The following NAA11 variants were observed in gnomAD, a reference collection of about 807,000 sequenced individuals.
The protein encoded by NAA11 is N-alpha-acetyltransferase 11, NatA catalytic subunit, also known as N-alpha-acetyltransferase 11.
NAA11 carries 15 observed loss-of-function variants against 16.1 expected under a neutral mutation model. The observed-to-expected ratio is 0.93, with a 90% CI of 0.62 to 1.44. The LOEUF (loss-of-function observed/expected upper bound fraction) is 1.44. Among genes scored for constraint, NAA11 ranks in the 40% most tolerant of loss-of-function variants. The probability of loss-of-function intolerance (pLI) is 0.00; values close to 1 mark genes in which losing one functional copy is unlikely to be tolerated. For missense variants in NAA11, 298 were observed against 291.3 expected (o/e 1.02, Z -0.17); for synonymous variants, 122 against 112.4 (o/e 1.09, Z -0.54).
the NAA11 span, among the ~76,000 whole-genome samples, chr4:79,183,247 GT>G: frequency 1.8e-3 from 272 of 152,162 alleles, 1 homozygote; most frequent in African/African-American, 6.3e-3. Flanking sequence ...CTTCTTACAC[GT>G]TGTGTCACCT....
At chr4:79,266,091 C>T (rs1225464997) in intron 2 of NAA11, among the ~76,000 whole-genome samples, 2 of 152,148 alleles carry the variant, frequency 1.3e-5, no homozygotes, top group East Asian at 3.9e-4. Context: ...TCTCTCCCAC[C>T]CACCTGCCCT....
the NAA11 span, among the ~76,000 whole-genome samples, chr4:79,165,468 G>A: frequency 6.6e-6 from 1 of 152,200 alleles, no homozygotes; most frequent in Non-Finnish European, 1.5e-5. Flanking sequence ...CAGGAGTAGA[G>A]CTCTTCCTGT....
intron 2 of NAA11, among the ~76,000 whole-genome samples, chr4:79,261,801 C>T (rs1025978817): frequency 3.3e-5 from 5 of 152,148 alleles, no homozygotes; most frequent in Non-Finnish European, 5.9e-5. Flanking sequence ...CTACAAAATG[C>T]TCTCTGAAAA....
chr4:79,185,345 T>C, the NAA11 span, among the ~76,000 whole-genome samples: 5 of 152,232 alleles, frequency 3.3e-5, no homozygotes, highest in Middle Eastern at 3.4e-3. Context: ...AGCACCTTTT[T>C]CCCCCATAAT....
intron 1 of NAA11, among the ~76,000 whole-genome samples, chr4:79,296,819 T>G (rs1373723904): frequency 6.6e-6 from 1 of 152,188 alleles, no homozygotes; most frequent in Non-Finnish European, 1.5e-5. Context: ...CATAGACCAC[T>G]GAATGTTTTT....
Position 79,325,216 on chromosome 4 carries a change from C to A in NAA11, c.662G>T (p.Ser221Ile). The A allele has an allele frequency of 1.2e-6, 2 of 1,612,236 alleles. No individual in the cohort carries two copies. Among genetic ancestry groups the A allele is most frequent in the South Asian group, 1.1e-5 (1 of 90,662 alleles). ...ESVESTNVQD[S>I]SESSDSTS ...GGAGGTGGAATCCGAGCTTTCTGAG[C>A]TGTCCTGGACGTTGGTGCTCTCCAC... The change falls in exon 1 of 2, where the codon AGC (serine) becomes ATC (isoleucine). Residue 221 changes from serine (S) to isoleucine (I), a missense_variant. Physicochemically the swap from Ser to Ile is moderately radical, Grantham distance 142. Transcript: ENST00000286794.
chr4:79,260,100 C>T (rs530945039), intron 2 of NAA11, among the ~76,000 whole-genome samples: 1 of 152,320 alleles, frequency 6.6e-6, no homozygotes, highest in East Asian at 1.9e-4. Context: ...TGGCTCACTG[C>T]AGTTTCCAGT....
At chr4:79,165,337 T>G in the NAA11 span, among the ~76,000 whole-genome samples, 1 of 152,208 alleles carries the variant, frequency 6.6e-6, no homozygotes, top group African/African-American at 2.4e-5. Flanking sequence ...CACCAGAATC[T>G]GAGCCCCTCC....
rs568886759 is a variant in NAA11, at chr4:79,238,431, A to G, written c.*123-12161T>C. 2.0e-5 allele frequency among the ~76,000 whole-genome samples: 3 copies of G among 152,342 alleles called. No individual in the cohort carries two copies. The South Asian group carries it at 6.2e-4, about 32-fold the overall frequency. On this transcript the variant is annotated intron_variant and NMD_transcript_variant, in intron 2 of 2. Transcript: ENST00000511542. ...AAACTGTAGAATAAGATTTTGAAGT[A>G]CAACTTATGGAAATCTAATATAACA...
chr4:79,187,930 C>T, the NAA11 span, among the ~76,000 whole-genome samples: 7 of 127,204 alleles, frequency 5.5e-5, no homozygotes, highest in Non-Finnish European at 1.1e-4. Flanking sequence ...ACCCGGGAGG[C>T]GGAGCTTGCA....
At chr4:79,325,041 C>G in intron 1 of NAA11, 135 bp downstream of exon 1, 1 of 724,308 alleles carries the variant, frequency 1.4e-6, no homozygotes, top group Admixed American at 3.0e-5. Context: ...TAACTTCTCC[C>G]TAAGGTCACC....
chr4:79,187,028 C>G, the NAA11 span, among the ~76,000 whole-genome samples: 4 of 152,122 alleles, frequency 2.6e-5, no homozygotes, highest in African/African-American at 9.7e-5. Flanking sequence ...AGTGCATATT[C>G]TTTGTCTGGC....
chr4:79,185,466 T>C, the NAA11 span, among the ~76,000 whole-genome samples: 1 of 152,234 alleles, frequency 6.6e-6, no homozygotes, highest in African/African-American at 2.4e-5. Flanking sequence ...TTCAAAGCTC[T>C]GGTTGAAAGG....
chr4:79,194,585 C>G, the NAA11 span, among the ~76,000 whole-genome samples: 3 of 151,914 alleles, frequency 2.0e-5, no homozygotes, highest in Admixed American at 6.6e-5. Context: ...TGGAAAGGAA[C>G]TAAAAGGCCT....
chr4:79,310,064 C>T (rs1723723591), intron 1 of NAA11, among the ~76,000 whole-genome samples: 1 of 152,118 alleles, frequency 6.6e-6, no homozygotes. Context: ...TTTTTATTGG[C>T]TCAATTATTC....
chr4:79,241,859 A>G (rs1013055099), intron 2 of NAA11, among the ~76,000 whole-genome samples: 4 of 152,230 alleles, frequency 2.6e-5, no homozygotes, highest in Non-Finnish European at 4.4e-5. Context: ...TGAGTAGCCA[A>G]AGAGGTAGTC....
the NAA11 span, among the ~76,000 whole-genome samples, chr4:79,191,464 G>T: frequency 6.6e-6 from 1 of 151,958 alleles, no homozygotes; most frequent in Non-Finnish European, 1.5e-5. Context: ...AGGCTTGTTG[G>T]CTGCATGTAT....
chr4:79,213,946 A>G, the NAA11 span, among the ~76,000 whole-genome samples: 1 of 152,180 alleles, frequency 6.6e-6, no homozygotes, highest in Non-Finnish European at 1.5e-5. Flanking sequence ...AAATACTGAT[A>G]TCCTGGGGCT....
intron 2 of NAA11, among the ~76,000 whole-genome samples, chr4:79,241,326 G>A (rs1376228753): frequency 1.3e-5 from 2 of 152,030 alleles, no homozygotes; most frequent in Non-Finnish European, 2.9e-5. Flanking sequence ...CAAAATATAC[G>A]TTACATAACT....
Sources: allele counts gnomAD v4.1 joint callset (sites outside exome capture counted in the v4.1 genomes callset), GRCh38; gene constraint gnomAD v4.1.1; transcripts MANE v1.5; gene names NCBI Gene and HGNC (gene_info 2026-07-23, HGNC 2026-07-21).